CRIP2: variants seen among roughly 807,000 people sequenced by gnomAD.
The protein encoded by CRIP2 is cysteine-rich protein 2.
CRIP2 carries 31 observed loss-of-function variants against 31.3 expected under a neutral mutation model. That is an observed-to-expected ratio of 0.99 (90% confidence interval 0.74 to 1.34). CRIP2 has a LOEUF of 1.34. Ranked by LOEUF, CRIP2 falls within the 40% of genes most tolerant of loss-of-function variation. The probability of loss-of-function intolerance (pLI) is 0.00; values close to 1 mark genes in which losing one functional copy is unlikely to be tolerated. For synonymous variants in CRIP2, 177 were observed against 127.2 expected, an observed-to-expected ratio of 1.39 and a Z score of -2.63; for missense variants, 389 against 301.6, an observed-to-expected ratio of 1.29 and a Z score of -2.15.
chr14:105,478,667 TGA>T lies in CRIP2; in HGVS notation c.197-61_197-60del. 6.9e-7 allele frequency: 1 copy of T among 1,456,018 alleles called. No homozygotes were observed. Among genetic ancestry groups the T allele is most frequent in the South Asian group, 1.4e-5 (1 of 73,492 alleles). The allele number at this position is 1,456,018 out of a possible 1,614,324, so 90.2% of individuals were successfully genotyped here. On this transcript the variant is annotated intron_variant, in intron 3 of 7. Coordinates refer to ENST00000329146, the MANE Select transcript of CRIP2 (RefSeq NM_001312.4). This position sits in a 1 kb window ranked among gnomAD's most constrained non-coding sequence, Gnocchi z 4.9. ...CCCCAGTCCCCAGCGGGCCGTTTTCTGAGATGCCCGGTGGCCGCGGCCCCCAC... is the reference window on the plus strand; with the variant it reads ...CCCCAGTCCCCAGCGGGCCGTTTTCTGATGCCCGGTGGCCGCGGCCCCCAC...
intron 6 of CRIP2, 72 bp downstream of exon 6, chr14:105,479,291 G>A (rs1555436787): frequency 1.3e-6 from 2 of 1,508,140 alleles, no homozygotes; most frequent in Non-Finnish European, 1.8e-6. Context: ...TGAGAGGCGC[G>A]CCTAGAGGGG....
At chr14:105,479,405 C>T (rs1032926506) in intron 6 of CRIP2, 31 bp from the exon 7 acceptor site, 19 of 1,612,116 alleles carry the variant, frequency 1.2e-5, no homozygotes, top group Non-Finnish European at 1.6e-5. Flanking sequence ...AGTCTGTGGA[C>T]TCCTCCCTCA....
At chr14:105,475,061 G>T (rs1555435474) in intron 1 of CRIP2, among the ~76,000 whole-genome samples, 156 bp downstream of exon 1, 1 of 152,196 alleles carries the variant, frequency 6.6e-6, no homozygotes, top group Non-Finnish European at 1.5e-5. Flanking sequence ...CGCTGCCCAA[G>T]CGGCTAAAGC....
At position 105,478,656 on chromosome 14, in the gene CRIP2, G is replaced by A; in HGVS notation, c.197-75G>A. 8 of 1,462,998 alleles carry A rather than the reference G, an allele frequency of 5.5e-6. No homozygotes were observed. The highest frequency in any genetic ancestry group is 7.2e-6 in the Non-Finnish European group (8 of 1,107,818). 90.6% of individuals were successfully genotyped at this position (1,462,998 alleles called of 1,614,324 possible). A position where few individuals can be genotyped will look rare whatever the true frequency, so the allele number is the denominator to read the frequency against. On this transcript the variant is annotated intron_variant, in intron 3 of 7. Coordinates refer to ENST00000329146, the MANE Select transcript of CRIP2 (RefSeq NM_001312.4). The surrounding 1 kb of genome is among the most constrained non-coding windows in gnomAD (Gnocchi z 4.9). Reference sequence around the variant, plus strand: ...AGCCTAGTGCCCCCCAGTCCCCAGCGGGCCGTTTTCTGAGATGCCCGGTGG... The same window carrying A: ...AGCCTAGTGCCCCCCAGTCCCCAGCAGGCCGTTTTCTGAGATGCCCGGTGG...
At position 105,477,601 on chromosome 14, in the gene CRIP2, GGTGT is replaced by G. The variant is rs1303746570; in HGVS notation, c.44-661_44-658del. The G allele has an allele frequency of 2.5e-5, 24 of 970,180 alleles. No homozygotes were observed. In the African/African-American group the frequency reaches 4.2e-4, roughly 17 times the overall value. 60.1% of individuals were successfully genotyped at this position (970,180 alleles called of 1,614,324 possible). ...TTGAAGCAGGTGCACTGCAGAGGCA[GGTGT>G]GTGAGTGTAAGAGAAGTGTTTGAGG... On this transcript the variant is annotated intron_variant, in intron 1 of 7. Coordinates refer to ENST00000329146, the MANE Select transcript of CRIP2 (RefSeq NM_001312.4).
Position 105,478,842 on chromosome 14 carries a change from C to T in CRIP2, c.308C>T (p.Ala103Val). Residue 103 changes from alanine to valine, a missense_variant, in exon 4 of 8, where the codon GCG becomes GTG. Physicochemically the swap from Ala to Val is moderately conservative, Grantham distance 64. Coordinates refer to ENST00000329146, the MANE Select transcript of CRIP2 (RefSeq NM_001312.4). The surrounding 1 kb of genome is among the most constrained non-coding windows in gnomAD (Gnocchi z 4.9). ...GCGGCCCGAGCAGAGGAGCGGAAGG[C>T]GAGCGGCCCCCCGAAGGGGCCCAGC... The part of the protein sequence containing the change: ...VPAARAEERK[A>V]SGPPKGPSRA... 1.4e-6 allele frequency: 2 copies of T among 1,425,942 alleles called. No individual in the cohort carries two copies. Among genetic ancestry groups the T allele is most frequent in the Non-Finnish European group, 1.8e-6 (2 of 1,100,428 alleles). 88.3% of individuals were successfully genotyped at this position (1,425,942 alleles called of 1,614,324 possible).
At chr14:105,476,119 C>A in intron 1 of CRIP2, 4 of 985,510 alleles carry the variant, frequency 4.1e-6, no homozygotes, top group Non-Finnish European at 4.8e-6. Flanking sequence ...TCTGTCCCAG[C>A]GAGGGCTGTC....
upstream of CRIP2, chr14:105,474,703 C>T (rs1567059141): frequency 2.1e-6 from 2 of 952,550 alleles, no homozygotes; most frequent in Non-Finnish European, 1.2e-6. The surrounding 1 kb of genome is among the most constrained non-coding windows in gnomAD (Gnocchi z 5.1). Context: ...CCCCGCGGCG[C>T]CCCCAGGCGG....
chr14:105,478,184 G>T lies in CRIP2; in HGVS notation c.44-82G>T. 8.8e-7 allele frequency: 1 copy of T among 1,130,124 alleles called. No individual in the cohort carries two copies. The allele number at this position is 1,130,124 out of a possible 1,614,324, so 70.0% of individuals were successfully genotyped here. A position where few individuals can be genotyped will look rare whatever the true frequency, so the allele number is the denominator to read the frequency against. ...GAAAGTGGGGACCCCCGGAGCGCGT[G>T]GGGGTGGTGGCTGCCAGGTGGGGGC... On this transcript the variant is annotated intron_variant, in intron 1 of 7. Transcript: ENST00000329146. This position sits in a 1 kb window ranked among gnomAD's most constrained non-coding sequence, Gnocchi z 4.9.
chr14:105,474,619 G>A (rs1475129443), upstream of CRIP2: 1 of 233,330 alleles, frequency 4.3e-6, no homozygotes, highest in Non-Finnish European at 6.9e-6. The surrounding 1 kb of genome is among the most constrained non-coding windows in gnomAD (Gnocchi z 5.1). Flanking sequence ...CGCCACCTCC[G>A]GCGCGAGGGG....
chr14:105,476,146 T>C (rs1217847947), intron 1 of CRIP2: 11 of 985,264 alleles, frequency 1.1e-5, no homozygotes, highest in Non-Finnish European at 1.3e-5. Context: ...AGGCTTAGGG[T>C]GGGAGACGGT....
rs201357410 is a variant in CRIP2 at position 105,479,115 on chromosome 14, C to T, written c.407-10C>T. 2.5e-6 allele frequency: 4 copies of T among 1,611,346 alleles called. No homozygotes were observed. Among genetic ancestry groups the T allele is most frequent in the African/African-American group, 1.3e-5 (1 of 75,018 alleles). On this transcript the variant is annotated splice_polypyrimidine_tract_variant and intron_variant, in intron 5 of 7. Transcript: ENST00000329146. ...CCCCGGGGCTCGGCCTCACTCCTCCCCCTTTCCAGCTGAGAAGGTGACGTC... is the reference window on the plus strand; with the variant it reads ...CCCCGGGGCTCGGCCTCACTCCTCCTCCTTTCCAGCTGAGAAGGTGACGTC...
intron 5 of CRIP2, 34 bp from the exon 6 acceptor site, chr14:105,479,091 C>G: frequency 6.2e-7 from 1 of 1,601,420 alleles, no homozygotes; most frequent in Non-Finnish European, 8.5e-7. Flanking sequence ...CCGCCCCCGC[C>G]CCGGGGCTCG....
rs1278056570 is a variant in CRIP2, at chr14:105,476,607, G to A, written c.44-1659G>A. On this transcript the variant is annotated intron_variant, in intron 1 of 7. Coordinates refer to ENST00000329146, the MANE Select transcript of CRIP2 (RefSeq NM_001312.4). ...AGGGCCAGTTCCCTGCCCCCACTTG[G>A]CCCACGTCCCAGAGCTGGCCAGAGC... 1.9e-5 allele frequency: 19 copies of A among 985,334 alleles called. No homozygotes were observed. The South Asian group carries it at 3.3e-4, about 17-fold the overall frequency. 61.0% of individuals were successfully genotyped at this position (985,334 alleles called of 1,614,324 possible).
chr14:105,479,067 C>A lies in CRIP2; in HGVS notation c.406+20C>A. The A allele has an allele frequency of 1.9e-6, 3 of 1,567,240 alleles. No individual in the cohort carries two copies. The East Asian group carries it at 7.0e-5, about 36-fold the overall frequency. On this transcript the variant is annotated intron_variant, in intron 5 of 7. Transcript: ENST00000329146. ...ACTTCGGTGAGTGCGCGCCCGGGCC[C>A]CGGACCCCCGCCCCCGCCCCCGCCC...
At chr14:105,476,037 G>T (rs1400465387) in intron 1 of CRIP2, 2 of 985,588 alleles carry the variant, frequency 2.0e-6, no homozygotes, top group Admixed American at 6.1e-5. Context: ...ATTTGGCCTG[G>T]AGTGCTTCTG....
chr14:105,475,893 C>G, intron 1 of CRIP2: 1 of 985,524 alleles, frequency 1.0e-6, no homozygotes, highest in Non-Finnish European at 1.2e-6. Context: ...ACCAACAGGG[C>G]GCCTGCCCTG....
At chr14:105,477,962 G>A (rs2083983333) in intron 1 of CRIP2, among the ~76,000 whole-genome samples, 1 of 149,762 alleles carries the variant, frequency 6.7e-6, no homozygotes, top group Non-Finnish European at 1.5e-5. Context: ...TCGAGCACAG[G>A]CCCCTTCACC....
intron 1 of CRIP2, chr14:105,476,868 C>T (rs1308487131): frequency 1.0e-5 from 7 of 701,400 alleles, no homozygotes; most frequent in African/African-American, 7.7e-5. Flanking sequence ...ACCAGGGCCA[C>T]GGAGAGCCAG....
Sources: allele counts gnomAD v4.1 joint callset (sites outside exome capture counted in the v4.1 genomes callset), GRCh38; gene constraint gnomAD v4.1.1; non-coding constraint Gnocchi (gnomAD v3.1); transcripts MANE v1.5; gene names NCBI Gene and HGNC (gene_info 2026-07-23, HGNC 2026-07-21).